Variants in FASN observed in about 807,000 individuals in gnomAD.
FASN encodes fatty acid synthase, also known as 3-hydroxyacyl-[acyl-carrier-protein] dehydratase.
In FASN, 50 loss-of-function variants were observed where a neutral mutation model predicts 250.0. That is an observed-to-expected ratio of 0.20 (90% CI 0.16 to 0.25). The LOEUF is 0.25. Among genes scored for constraint, FASN ranks in the 10% least tolerant of loss-of-function variants. FASN has a pLI of 1.00. For synonymous variants in FASN, 1,909 were observed against 1,584.0 expected (o/e 1.21, Z -4.87); for missense variants, 3,031 against 3,498.5 (o/e 0.87, Z 3.37).
rs377452849 is a variant in FASN at position 82,085,169 on chromosome 17, G to A, written c.4288-13C>T. On this transcript the variant is annotated splice_polypyrimidine_tract_variant and intron_variant, in intron 24 of 42. Transcript: ENST00000306749. ...CAGCCAGGATGCCCTACAGCGGGTC[G>A]GGGAGGGTCAGGCCACACTCGGCAA... is the stretch of plus-strand genomic sequence containing the variant. 233 of 1,612,544 alleles carry A rather than the reference G, an allele frequency of 1.4e-4. 1 individual carries two copies. The African/African-American group carries it at 2.6e-3, about 18-fold the overall frequency.
intron 41 of FASN, chr17:82,079,930 A>T: frequency 1.5e-6 from 1 of 656,560 alleles, no homozygotes; most frequent in Admixed American, 2.6e-5. Flanking sequence ...CTGGTCTCGA[A>T]CTCCCGACCT....
In FASN at chr17:82,091,022, C is replaced by T. The variant is rs1200741332; in HGVS notation, c.1540G>A (p.Asp514Asn). 1.2e-6 allele frequency: 2 copies of T among 1,612,686 alleles called. No homozygotes were observed. The highest frequency in any genetic ancestry group is 2.2e-5 in the East Asian group (1 of 44,902). Residue 514 changes from aspartate (D) to asparagine (N), a missense_variant, in exon 10 of 43, where the codon GAC (aspartate) becomes AAC (asparagine). Physicochemically the swap from Asp to Asn is conservative, Grantham distance 23. Transcript: ENST00000306749. The part of the protein sequence containing the change: ...RGMGLSLMRL[D>N]RFRDSILRSD... ...CGTAGGATGGAATCTCGGAAGCGGT[C>T]CAGGCGCATGAGGCTCAGCCCCATC...
Position 82,080,791 on chromosome 17 carries a change from G to A in FASN, c.6727C>T (p.Pro2243Ser). 1 of 1,605,684 alleles carries A rather than the reference G, an allele frequency of 6.2e-7. No homozygotes were observed. The highest frequency in any genetic ancestry group is 1.7e-4 in the Middle Eastern group (1 of 5,866). The part of the protein sequence containing the change: ...RLNSVQSSER[P>S]LFLVHPIEGS... ...TCGATTGGGTGCACCAGGAACAGGG[G>A]CCGCTCCGAGCTCTGCACGGAGTTG... Residue 2243 changes from proline (P) to serine (S), a missense_variant, in exon 39 of 43, where the codon CCC becomes TCC. Transcript: ENST00000306749.
chr17:82,090,475 G>A lies in FASN; in HGVS notation c.1770C>T (p.Ala590=), dbSNP rs752714800. ...CCTCCTCCTGGGACAGGCAGCCGTC[G>A]GCGTAGCCACAGGCCACCTCCCCCA... ...HSLGEVACGY[A]DGCLSQEEAV... is the part of the protein sequence containing the mutation. Residue 590 remains alanine, a synonymous_variant, in exon 11 of 43, where the codon GCC becomes GCT. Transcript: ENST00000306749. 87 of 1,608,536 alleles carry A rather than the reference G, an allele frequency of 5.4e-5. No homozygotes were observed. Among genetic ancestry groups the A allele is most frequent in the East Asian group, 3.6e-4 (16 of 44,708 alleles).
At chr17:82,082,241 G>C (rs2034002565) in intron 35 of FASN, 81 bp from the exon 36 acceptor site, 14 of 1,602,910 alleles carry the variant, frequency 8.7e-6, no homozygotes, top group Non-Finnish European at 1.2e-5. Context: ...CGCCAGAGAG[G>C]GCTGTCAACA....
At chr17:82,088,691 C>T in intron 15 of FASN, 70 bp downstream of exon 15, 1 of 1,517,908 alleles carries the variant, frequency 6.6e-7, no homozygotes, top group Non-Finnish European at 9.1e-7. Context: ...GAGGGGCCCG[C>T]AGCCCCGCTC....
intron 19 of FASN, 63 bp from the exon 20 acceptor site, chr17:82,087,567 C>T: frequency 6.2e-7 from 1 of 1,603,592 alleles, no homozygotes; most frequent in Non-Finnish European, 8.5e-7. Flanking sequence ...CTCCCAGAGC[C>T]CACCGGGCCC....
chr17:82,088,358 A>C (rs1364489427), intron 16 of FASN, 32 bp downstream of exon 16: 43 of 1,611,086 alleles, frequency 2.7e-5, no homozygotes, highest in Non-Finnish European at 3.6e-5. Flanking sequence ...TGGGGAGGGA[A>C]GAGTCTGCCC....
intron 37 of FASN, 78 bp from the exon 38 acceptor site, chr17:82,081,430 G>T: frequency 6.4e-7 from 1 of 1,564,062 alleles, no homozygotes; most frequent in South Asian, 1.1e-5. Context: ...GACACCCAGG[G>T]GTGCGTGGGC....
At chr17:82,086,603 G>C (rs750711134) in intron 21 of FASN, 45 bp from the exon 22 acceptor site, 7 of 1,446,472 alleles carry the variant, frequency 4.8e-6, no homozygotes, top group Non-Finnish European at 6.7e-6. Context: ...AAGCCCCAGG[G>C]CATCTGCCTG....
In FASN at chr17:82,089,720, G is replaced by T; in HGVS notation, c.1877C>A (p.Ser626Tyr). 4 of 1,582,388 alleles carry T rather than the reference G, an allele frequency of 2.5e-6. No individual in the cohort carries two copies. In the African/African-American group the frequency reaches 5.4e-5, roughly 21 times the overall value. Residue 626 changes from serine to tyrosine, a missense_variant, in exon 12 of 43, where the codon TCC becomes TAC. Physicochemically the swap from Ser to Tyr is moderately radical, Grantham distance 144. Transcript: ENST00000306749. Reference sequence around the variant, plus strand: ...GCAGCGCTGTTTACACTCCTCCCAGGACAAGCCTATGGCAGAGCCAGCCTC... The same window carrying T: ...GCAGCGCTGTTTACACTCCTCCCAGTACAAGCCTATGGCAGAGCCAGCCTC... ...PPGAMAAVGL[S>Y]WEECKQRCPP...
chr17:82,093,118 G>GA, intron 5 of FASN, 99 bp from the exon 6 acceptor site: 4 of 1,559,156 alleles, frequency 2.6e-6, no homozygotes, highest in Non-Finnish European at 3.5e-6. Context: ...TTGGGTGGGG[G>GA]ATCCCCGGAG....
chr17:82,094,992 G>T (rs1350723828), intron 3 of FASN, among the ~76,000 whole-genome samples: 1 of 151,500 alleles, frequency 6.6e-6, no homozygotes, highest in East Asian at 1.9e-4. Flanking sequence ...TGGGGGTGGG[G>T]GCCTGGAGGG....
intron 10 of FASN, 138 bp from the exon 11 acceptor site, chr17:82,090,702 A>T (rs553902056): frequency 9.6e-7 from 1 of 1,043,094 alleles, no homozygotes; most frequent in African/African-American, 1.6e-5. Context: ...AGAAGCCCCT[A>T]TGGCCCCCAC....
chr17:82,080,356 A>G lies in FASN; in HGVS notation c.7047+14T>C. On this transcript the variant is annotated intron_variant, in intron 40 of 42. Transcript: ENST00000306749. ...ACGTTTGCCGTAGGCCTCTAGGACC[A>G]GCCTGGCTCTCACCTGGGTGTAGGC... is the stretch of plus-strand genomic sequence containing the variant. The G allele has an allele frequency of 1.9e-6, 3 of 1,605,072 alleles. No homozygotes were observed. The highest frequency in any genetic ancestry group is 2.6e-6 in the Non-Finnish European group (3 of 1,176,402).
Position 82,092,460 on chromosome 17 carries a change from C to T in FASN, c.1024G>A (p.Ala342Thr). 6.4e-7 allele frequency: 1 copy of T among 1,572,408 alleles called. No individual in the cohort carries two copies. Among genetic ancestry groups the T allele is most frequent in the Non-Finnish European group, 8.6e-7 (1 of 1,161,924 alleles). The change falls in exon 8 of 43, where the codon GCC becomes ACC. Residue 342 changes from alanine (A) to threonine (T), a missense_variant. Transcript: ENST00000306749. ...PEPASGLAAL[A>T]KVLLSLEHGL... ...CCAAGCCCAGCCCCACCTACCTTGG[C>T]CAGGGCTGCCAGCCCCGAGGCTGGC... is the stretch of plus-strand genomic sequence containing the variant.
chr17:82,081,024 AG>A, intron 38 of FASN, 102 bp from the exon 39 acceptor site: 1 of 1,385,784 alleles, frequency 7.2e-7, no homozygotes, highest in Non-Finnish European at 1.0e-6. Flanking sequence ...GTGCTACGTC[AG>A]GTGGGAGTCG....
intron 41 of FASN, 57 bp downstream of exon 41, chr17:82,080,083 C>A (rs1254967440): frequency 3.9e-6 from 6 of 1,553,704 alleles, no homozygotes; most frequent in African/African-American, 1.4e-5. Context: ...TCCCTTCCCC[C>A]TTCCGTTCCT....
chr17:82,081,374 G>T, intron 37 of FASN, 22 bp from the exon 38 acceptor site: 1 of 1,558,896 alleles, frequency 6.4e-7, no homozygotes. Context: ...GCGCCGGGTC[G>T]GCAACTCCAG....
Sources: allele counts gnomAD v4.1 joint callset (sites outside exome capture counted in the v4.1 genomes callset), GRCh38; gene constraint gnomAD v4.1.1; transcripts MANE v1.5; gene names NCBI Gene and HGNC (gene_info 2026-07-23, HGNC 2026-07-21).